Variants in CLIP2 observed in about 807,000 individuals in gnomAD.
The protein encoded by CLIP2 is CAP-Gly domain-containing linker protein 2.
A neutral mutation model predicts 111.7 loss-of-function variants in CLIP2; 41 were observed. That is an observed-to-expected ratio of 0.37 (90% CI 0.29 to 0.48). CLIP2 has a LOEUF of 0.48. Among genes scored for constraint, CLIP2 ranks in the 20% least tolerant of loss-of-function variants. The pLI is 0.99. For synonymous variants in CLIP2, 660 were observed against 644.2 expected (o/e 1.02, Z -0.37); for missense variants, 1,160 against 1,422.1 (o/e 0.82, Z 2.96).
chr7:74,369,089 G>A (rs184680639), intron 8 of CLIP2, among the ~76,000 whole-genome samples: 2 of 152,240 alleles, frequency 1.3e-5, no homozygotes, highest in East Asian at 1.9e-4. Context: ...GGTGGCTCAC[G>A]CCTATAATCC....
intron 2 of CLIP2, among the ~76,000 whole-genome samples, chr7:74,318,912 G>C: frequency 6.6e-6 from 1 of 152,148 alleles, no homozygotes; most frequent in East Asian, 1.9e-4. Context: ...GGGGAAGGGG[G>C]TCAAGGAAAG....
intron 16 of CLIP2, among the ~76,000 whole-genome samples, chr7:74,402,910 G>A (rs782164056): frequency 2.0e-5 from 3 of 152,056 alleles, no homozygotes; most frequent in Non-Finnish European, 2.9e-5. Flanking sequence ...GGTCATCCCA[G>A]TTCACAGATG....
At chr7:74,329,341 G>A (rs1789212443) in intron 2 of CLIP2, among the ~76,000 whole-genome samples, 1 of 151,648 alleles carries the variant, frequency 6.6e-6, no homozygotes, top group East Asian at 1.9e-4. Flanking sequence ...CACCACACCC[G>A]GCCAGCATGA....
chr7:74,290,244 C>T (rs999460343), intron 1 of CLIP2, among the ~76,000 whole-genome samples: 8 of 152,202 alleles, frequency 5.3e-5, no homozygotes, highest in Admixed American at 1.3e-4. Context: ...CCTGCTACAC[C>T]CTCTGGGGTC....
Position 74,338,941 on chromosome 7 carries a change from CCT to C in CLIP2, c.619_620del (p.Ser207ArgfsTer54), listed in dbSNP as rs1564051074. ...VKTGNESGSN[L>X]SDSGSVKRGE... ...AGACTGGCAACGAGTCGGGATCCAA[CCT>C]CTCAGACAGCGGCTCTGTGAAGCGG... is the stretch of plus-strand genomic sequence containing the variant. On this transcript the variant is annotated frameshift_variant, in exon 3 of 17. Transcript: ENST00000223398. LOFTEE classifies it high-confidence loss of function. The surrounding 1 kb of genome is among the most constrained non-coding windows in gnomAD (Gnocchi z 4.3). 2.5e-6 allele frequency: 4 copies of C among 1,600,306 alleles called. No homozygotes were observed. Among genetic ancestry groups the C allele is most frequent in the Non-Finnish European group, 3.4e-6 (4 of 1,179,884 alleles).
chr7:74,335,012 AAG>A (rs1312449304), intron 2 of CLIP2, among the ~76,000 whole-genome samples: 1 of 151,728 alleles, frequency 6.6e-6, no homozygotes, highest in Non-Finnish European at 1.5e-5. Context: ...AAAAAAACAA[AAG>A]AGGGAGGGTT....
At chr7:74,329,621 G>A (rs1033905154) in intron 2 of CLIP2, among the ~76,000 whole-genome samples, 9 of 152,162 alleles carry the variant, frequency 5.9e-5, no homozygotes, top group Admixed American at 4.6e-4. Context: ...ATGTTCTGTG[G>A]AACATTTAAG....
intron 3 of CLIP2, among the ~76,000 whole-genome samples, chr7:74,352,953 C>G (rs1229109052): frequency 6.6e-6 from 1 of 151,560 alleles, no homozygotes; most frequent in Non-Finnish European, 1.5e-5. Flanking sequence ...TTGAGACCAG[C>G]CTGGGCAACA....
At chr7:74,385,864 T>G (rs1424024312) in intron 11 of CLIP2, among the ~76,000 whole-genome samples, 4 of 147,856 alleles carry the variant, frequency 2.7e-5, no homozygotes, top group Non-Finnish European at 6.0e-5. Context: ...TGCCTCAACC[T>G]CCCAAGTAGC....
chr7:74,336,094 G>A (rs1789448440), intron 2 of CLIP2, among the ~76,000 whole-genome samples: 1 of 151,226 alleles, frequency 6.6e-6, no homozygotes, highest in African/African-American at 2.4e-5. Context: ...TTCAGATAGA[G>A]TCTTGCTCTG....
chr7:74,367,210 A>T (rs552154193), intron 8 of CLIP2, among the ~76,000 whole-genome samples: 8 of 150,950 alleles, frequency 5.3e-5, no homozygotes, highest in African/African-American at 1.9e-4. Flanking sequence ...TTTTTTTTTG[A>T]GATGGAGTCT....
rs111761096 is a variant in CLIP2, at chr7:74,358,297, T to C, written c.1215+820T>C. Among the ~76,000 whole-genome samples, 1,013 of 149,004 alleles carry C rather than the reference T, an allele frequency of 6.8e-3. 11 individuals carry two copies. Among genetic ancestry groups the C allele is most frequent in the Middle Eastern group, 0.059 (16 of 270 alleles). On this transcript the variant is annotated intron_variant, in intron 6 of 16. Transcript: ENST00000223398. ...AATTCCTGACCTCAAGTGATCTGCC[T>C]GCCTTGGCCTCCCAAAGTGCTGGGA... is the stretch of plus-strand genomic sequence containing the variant.
At chr7:74,300,116 A>ATTCAGGTATGCACCACCTGAATTCC (rs1554726593) in intron 1 of CLIP2, among the ~76,000 whole-genome samples, 1 of 151,936 alleles carries the variant, frequency 6.6e-6, no homozygotes, top group East Asian at 1.9e-4. Flanking sequence ...CCTCCCTGGT[A>ATTCAGGTATGCACCACCTGAATTCC]GCTGGGAATT....
At chr7:74,358,444 C>T (rs1790214486) in intron 6 of CLIP2, among the ~76,000 whole-genome samples, 3 of 152,048 alleles carry the variant, frequency 2.0e-5, no homozygotes, top group Admixed American at 2.0e-4. Flanking sequence ...TCAGGCAATC[C>T]TTGGCCTTCC....
chr7:74,351,002 G>GTGAA (rs1789973511), intron 3 of CLIP2, among the ~76,000 whole-genome samples: 1 of 79,888 alleles, frequency 1.3e-5, no homozygotes, highest in Non-Finnish European at 3.4e-5. Flanking sequence ...AGAAGAAGGA[G>GTGAA]AGAAAGAAAG....
intron 14 of CLIP2, 134 bp downstream of exon 14, chr7:74,397,367 G>C: frequency 2.0e-6 from 2 of 1,009,754 alleles, no homozygotes; most frequent in South Asian, 3.3e-5. Flanking sequence ...GTGAGGATTT[G>C]AAATCTTCTA....
chr7:74,332,894 G>A (rs1171431623), intron 2 of CLIP2, among the ~76,000 whole-genome samples: 1 of 152,216 alleles, frequency 6.6e-6, no homozygotes, highest in Non-Finnish European at 1.5e-5. Context: ...CACCTAGTAG[G>A]TCCTCAGGAA....
chr7:74,334,607 C>T (rs1789396408), intron 2 of CLIP2, among the ~76,000 whole-genome samples: 2 of 152,114 alleles, frequency 1.3e-5, no homozygotes, highest in South Asian at 4.1e-4. Flanking sequence ...AGAGCTCTCT[C>T]TGCATAGGAA....
chr7:74,308,108 G>A (rs1788544326), intron 1 of CLIP2, among the ~76,000 whole-genome samples: 1 of 152,216 alleles, frequency 6.6e-6, no homozygotes, highest in South Asian at 2.1e-4. Context: ...TGGGCCGAAG[G>A]TCCTGAGAGA....
Sources: gnomAD v4.1 joint callset for allele counts (sites outside exome capture counted in the v4.1 genomes callset) on GRCh38, gnomAD v4.1.1 for gene constraint, Gnocchi (gnomAD v3.1) non-coding constraint, MANE v1.5 for transcripts, NCBI Gene and HGNC (gene_info 2026-07-23, HGNC 2026-07-21) for gene names.